The following AKAP19 variants were observed in gnomAD, a reference collection of about 807,000 sequenced individuals.
AKAP19 encodes the protein small A-kinase anchoring protein.
At chr2:189,981,273 C>CTTTTTTT in the AKAP19 span, among the ~76,000 whole-genome samples, 14 of 128,966 alleles carry the variant, frequency 1.1e-4, no homozygotes, top group Non-Finnish European at 9.9e-5. Context: ...CCTTCTTTGT[C>CTTTTTTT]TTTTTTTTTT....
chr2:190,073,759 C>A, the AKAP19 span, among the ~76,000 whole-genome samples: 1 of 151,526 alleles, frequency 6.6e-6, no homozygotes, highest in African/African-American at 2.4e-5. Context: ...AAAAAAAAAA[C>A]TGCAGATATC....
the AKAP19 span, among the ~76,000 whole-genome samples, chr2:189,888,593 T>C: frequency 6.6e-6 from 1 of 152,240 alleles, no homozygotes; most frequent in African/African-American, 2.4e-5. Flanking sequence ...TTTTTCCATT[T>C]GTTTGTGTCC....
the AKAP19 span, among the ~76,000 whole-genome samples, chr2:189,914,226 G>A: frequency 6.6e-6 from 1 of 151,996 alleles, no homozygotes; most frequent in Non-Finnish European, 1.5e-5. Context: ...AAGCTCAAAT[G>A]CTTTAATATT....
chr2:190,024,914 T>A, the AKAP19 span, among the ~76,000 whole-genome samples: 9 of 152,202 alleles, frequency 5.9e-5, no homozygotes, highest in African/African-American at 2.2e-4. Flanking sequence ...TATTCACTGC[T>A]TATTCAACAT....
chr2:190,190,568 T>C, the AKAP19 span, among the ~76,000 whole-genome samples: 1 of 151,682 alleles, frequency 6.6e-6, no homozygotes, highest in African/African-American at 2.4e-5. Flanking sequence ...GATAAATATC[T>C]AGAAATGAAA....
the AKAP19 span, among the ~76,000 whole-genome samples, chr2:189,885,981 G>A: frequency 3.3e-5 from 5 of 151,952 alleles, no homozygotes; most frequent in East Asian, 1.9e-4. Flanking sequence ...GCTAATTTTC[G>A]TATTTTTAGT....
the AKAP19 span, among the ~76,000 whole-genome samples, chr2:189,903,534 A>G: frequency 2.0e-4 from 30 of 152,060 alleles, no homozygotes; most frequent in African/African-American, 7.2e-4. Flanking sequence ...GATTCAGTAA[A>G]TATTTGAATG....
At chr2:189,967,056 T>G in the AKAP19 span, among the ~76,000 whole-genome samples, 1 of 152,218 alleles carries the variant, frequency 6.6e-6, no homozygotes, top group Non-Finnish European at 1.5e-5. Flanking sequence ...ACATTCTTCA[T>G]TCTTCCTTAT....
At chr2:189,884,069 C>T in the AKAP19 span, among the ~76,000 whole-genome samples, 1,483 of 151,946 alleles carry the variant, frequency 9.8e-3, 23 homozygotes, top group African/African-American at 0.034. Context: ...TAATTTTGAA[C>T]TTATTTGATA....
chr2:190,046,328 A>C, the AKAP19 span, among the ~76,000 whole-genome samples: 1 of 152,172 alleles, frequency 6.6e-6, no homozygotes. Flanking sequence ...TTACCTCTGC[A>C]GATAAGATGA....
the AKAP19 span, among the ~76,000 whole-genome samples, chr2:190,143,346 G>T: frequency 6.7e-6 from 1 of 148,954 alleles, no homozygotes; most frequent in Non-Finnish European, 1.5e-5. Context: ...GGAACATGCC[G>T]TTCCCTGTGC....
At chr2:190,031,481 G>A in the AKAP19 span, among the ~76,000 whole-genome samples, 4 of 152,112 alleles carry the variant, frequency 2.6e-5, no homozygotes, top group Non-Finnish European at 5.9e-5. Context: ...ATATCAGAGA[G>A]CTCTTAAAAG....
At chr2:189,894,284 T>G in the AKAP19 span, among the ~76,000 whole-genome samples, 1 of 152,210 alleles carries the variant, frequency 6.6e-6, no homozygotes, top group Non-Finnish European at 1.5e-5. Flanking sequence ...TAAAATAATT[T>G]TCTTTATATT....
At chr2:190,101,537 C>T in the AKAP19 span, among the ~76,000 whole-genome samples, 6 of 152,082 alleles carry the variant, frequency 3.9e-5, no homozygotes, top group Non-Finnish European at 7.4e-5. Context: ...GGCTCTTTCC[C>T]CTCTATGCTC....
At chr2:190,014,960 G>A in the AKAP19 span, among the ~76,000 whole-genome samples, 2 of 152,178 alleles carry the variant, frequency 1.3e-5, no homozygotes, top group Non-Finnish European at 2.9e-5. Flanking sequence ...GCTCCCATGG[G>A]CTCAGGCACC....
At chr2:189,984,078 C>T in the AKAP19 span, among the ~76,000 whole-genome samples, 88 of 152,070 alleles carry the variant, frequency 5.8e-4, no homozygotes, top group Admixed American at 5.5e-3. Flanking sequence ...GACCACAGGA[C>T]GGAGGCAAAA....
At chr2:189,983,689 C>T in the AKAP19 span, among the ~76,000 whole-genome samples, 2 of 152,172 alleles carry the variant, frequency 1.3e-5, no homozygotes, top group Non-Finnish European at 2.9e-5. Flanking sequence ...AGGGTTAGAT[C>T]TCACAGGGTT....
chr2:190,119,083 C>G, the AKAP19 span, among the ~76,000 whole-genome samples: 1 of 152,316 alleles, frequency 6.6e-6, no homozygotes, highest in Non-Finnish European at 1.5e-5. Flanking sequence ...AACAGACAAA[C>G]AGAGAGCCAA....
the AKAP19 span, among the ~76,000 whole-genome samples, chr2:190,139,800 T>TC: frequency 5.9e-5 from 9 of 152,118 alleles, no homozygotes; most frequent in Admixed American, 1.3e-4. Flanking sequence ...CCCCGGCCCC[T>TC]CCCAAATCTC....
Sources: allele counts gnomAD v4.1 joint callset (sites outside exome capture counted in the v4.1 genomes callset), GRCh38; gene constraint gnomAD v4.1.1; transcripts MANE v1.5; gene names NCBI Gene and HGNC (gene_info 2026-07-23, HGNC 2026-07-21).